Variants in ARHGAP12 observed in about 807,000 individuals in gnomAD.
ARHGAP12 encodes Rho GTPase activating protein 12.
A neutral mutation model predicts 108.6 loss-of-function variants in ARHGAP12; 64 were observed. The observed-to-expected ratio is 0.59, with a 90% confidence interval of 0.48 to 0.73. ARHGAP12 has a LOEUF of 0.73. ARHGAP12 is among the 30% of genes least tolerant of loss of function. The probability of loss-of-function intolerance (pLI) is 0.00; values close to 1 mark genes in which losing one functional copy is unlikely to be tolerated. For synonymous variants in ARHGAP12, 312 were observed against 337.2 expected (o/e 0.93, Z 0.82); for missense variants, 940 against 1,005.9 (o/e 0.93, Z 0.89).
Position 31,854,051 on chromosome 10 carries a change from A to G in ARHGAP12, c.1089+15T>C. On this transcript the variant is annotated intron_variant, in intron 5 of 19. Coordinates refer to ENST00000344936, the MANE Select transcript of ARHGAP12 (RefSeq NM_018287.7). ...ATTCTGCCAAAAAACACTAGATGAG[A>G]AAAAAAGAATGTACCTTTTCATTAG... is the stretch of plus-strand genomic sequence containing the variant. The G allele has an allele frequency of 1.3e-6, 2 of 1,595,156 alleles. No individual in the cohort carries two copies. The highest frequency in any genetic ancestry group is 2.3e-5 in the South Asian group (2 of 86,570).
intron 14 of ARHGAP12, 58 bp from the exon 15 acceptor site, chr10:31,812,881 G>A (rs895563720): frequency 7.3e-6 from 7 of 961,980 alleles, no homozygotes; most frequent in Non-Finnish European, 1.1e-5. Flanking sequence ...TTTGATACAA[G>A]TTTTTCCAGC....
rs1393090770 is a variant in ARHGAP12, at chr10:31,806,804, T to C, written c.*854A>G. The C allele has an allele frequency of 6.6e-6, 1 of 152,598 alleles. No homozygotes were observed. Among genetic ancestry groups the C allele is most frequent in the Non-Finnish European group, 1.5e-5 (1 of 68,008 alleles). The allele number at this position is 152,598 out of a possible 1,614,324, so 9.5% of individuals were successfully genotyped here. ...ATAACAATGATTAGAAATGTAGGGT[T>C]AGAATGTACTCTGAGACTATACAAC... is the stretch of plus-strand genomic sequence containing the variant. On this transcript the variant is annotated 3_prime_UTR_variant, in exon 20 of 20. Transcript: ENST00000344936.
chr10:31,911,668 A>G (rs1456243627), intron 1 of ARHGAP12, among the ~76,000 whole-genome samples: 1 of 152,178 alleles, frequency 6.6e-6, no homozygotes, highest in African/African-American at 2.4e-5. Flanking sequence ...TGGTGGCATA[A>G]GCTTAACCAA....
chr10:31,896,111 G>A (rs889466086), intron 3 of ARHGAP12, among the ~76,000 whole-genome samples: 13 of 151,930 alleles, frequency 8.6e-5, no homozygotes, highest in African/African-American at 2.9e-4. Context: ...AGCGGGGAGG[G>A]ATAGCATTAG....
intron 3 of ARHGAP12, among the ~76,000 whole-genome samples, chr10:31,897,657 G>A (rs757098606): frequency 5.9e-5 from 9 of 152,102 alleles, no homozygotes; most frequent in African/African-American, 2.4e-5. Context: ...TTTCTACTCA[G>A]ATAACCCAAT....
In ARHGAP12 at chr10:31,856,499, T is replaced by C. The variant is rs147733359; in HGVS notation, c.949-2293A>G. On this transcript the variant is annotated intron_variant, in intron 4 of 19. Coordinates refer to ENST00000344936, the MANE Select transcript of ARHGAP12 (RefSeq NM_018287.7). Reference sequence around the variant, plus strand: ...CCTTTATTCCACACTAGGAACATCATAGAAATTTACCCCAATAATTGGGGA... The same window carrying C: ...CCTTTATTCCACACTAGGAACATCACAGAAATTTACCCCAATAATTGGGGA... Among the ~76,000 whole-genome samples, 653 of 152,248 alleles carry C rather than the reference T, an allele frequency of 4.3e-3. 3 individuals are homozygous for C. Among genetic ancestry groups the C allele is most frequent in the African/African-American group, 0.015 (614 of 41,526 alleles).
intron 3 of ARHGAP12, among the ~76,000 whole-genome samples, chr10:31,872,890 C>T (rs1221188123): frequency 6.6e-6 from 1 of 152,070 alleles, no homozygotes; most frequent in African/African-American, 2.4e-5. Flanking sequence ...TAATGCATAC[C>T]ATTTTCCTCC....
In ARHGAP12 at chr10:31,808,581, C is replaced by CT. The variant is rs1179791955; in HGVS notation, c.2366+67dup. 4 of 1,405,282 alleles carry CT rather than the reference C, an allele frequency of 2.8e-6. No individual in the cohort carries two copies. The African/African-American group carries it at 5.7e-5, about 20-fold the overall frequency. 87.1% of individuals were successfully genotyped at this position (1,405,282 alleles called of 1,614,324 possible). On this transcript the variant is annotated intron_variant, in intron 19 of 19. Transcript: ENST00000344936. ...GATCCAAATCTGAGTCTGAGTGACC[C>CT]TGGCCCCACAGGCCTTCCCGCTTCC...
At chr10:31,897,724 G>T (rs551601974) in intron 3 of ARHGAP12, among the ~76,000 whole-genome samples, 5 of 152,088 alleles carry the variant, frequency 3.3e-5, no homozygotes, top group Non-Finnish European at 7.3e-5. Context: ...ACCAAAAATT[G>T]CAAGGCATGC....
intron 1 of ARHGAP12, among the ~76,000 whole-genome samples, chr10:31,927,951 C>G (rs1436735920): frequency 6.6e-6 from 1 of 152,192 alleles, no homozygotes; most frequent in Non-Finnish European, 1.5e-5. Context: ...GAGGAGATTC[C>G]GCCCAGATAA....
At chr10:31,910,453 A>T (rs1678404744) in intron 2 of ARHGAP12, 72 bp downstream of exon 2, 1 of 152,176 alleles carries the variant, frequency 6.6e-6, no homozygotes, top group Non-Finnish European at 1.5e-5. Context: ...TTGTTAACTG[A>T]AATTTACTTT....
At chr10:31,852,713 A>C in intron 5 of ARHGAP12, 116 bp from the exon 6 acceptor site, 2 of 595,382 alleles carry the variant, frequency 3.4e-6, no homozygotes, top group Non-Finnish European at 5.6e-6. Context: ...GATCAAGAAC[A>C]TTGCAACAAA....
At chr10:31,828,425 A>G (rs1169747827) in intron 10 of ARHGAP12, among the ~76,000 whole-genome samples, 1 of 151,974 alleles carries the variant, frequency 6.6e-6, no homozygotes, top group Non-Finnish European at 1.5e-5. Context: ...ATATTTTGGA[A>G]GTATTTTAAT....
At chr10:31,835,887 G>T (rs1445487514) in intron 9 of ARHGAP12, among the ~76,000 whole-genome samples, 1 of 152,088 alleles carries the variant, frequency 6.6e-6, no homozygotes, top group Non-Finnish European at 1.5e-5. Context: ...ATGGGTATGG[G>T]TTTTATTTTG....
chr10:31,894,001 T>C (rs1396781658), intron 3 of ARHGAP12, among the ~76,000 whole-genome samples: 1 of 152,160 alleles, frequency 6.6e-6, no homozygotes, highest in East Asian at 1.9e-4. Context: ...AAAAACCACA[T>C]GATTATCTCA....
chr10:31,837,332 G>A (rs867316076), intron 9 of ARHGAP12, among the ~76,000 whole-genome samples: 136 of 152,240 alleles, frequency 8.9e-4, no homozygotes, highest in African/African-American at 2.6e-3. Context: ...CACTTTTATC[G>A]TTATGTAATG....
At chr10:31,879,085 A>T (rs1837842513) in intron 3 of ARHGAP12, among the ~76,000 whole-genome samples, 1 of 152,212 alleles carries the variant, frequency 6.6e-6, no homozygotes, top group Non-Finnish European at 1.5e-5. Flanking sequence ...AACAGTGTTA[A>T]TTTACATGTA....
intron 11 of ARHGAP12, among the ~76,000 whole-genome samples, chr10:31,823,111 C>G (rs987660874): frequency 6.6e-6 from 1 of 152,166 alleles, no homozygotes; most frequent in African/African-American, 2.4e-5. Flanking sequence ...AACCTGTTCA[C>G]TTGTCAGTCT....
At chr10:31,815,917 A>C (rs1438543307) in intron 13 of ARHGAP12, among the ~76,000 whole-genome samples, 1 of 152,158 alleles carries the variant, frequency 6.6e-6, no homozygotes, top group Non-Finnish European at 1.5e-5. Context: ...TGGGAGGCCA[A>C]GGCTGGCAGA....
Sources: gnomAD v4.1 joint callset for allele counts (sites outside exome capture counted in the v4.1 genomes callset) on GRCh38, gnomAD v4.1.1 for gene constraint, MANE v1.5 for transcripts, NCBI Gene and HGNC (gene_info 2026-07-23, HGNC 2026-07-21) for gene names.